Variants in KLHDC10 observed in about 807,000 individuals in gnomAD.
KLHDC10 encodes the protein kelch domain containing 10, also known as kelch domain-containing protein 10.
A neutral mutation model predicts 56.1 loss-of-function variants in KLHDC10; 24 were observed. The observed-to-expected ratio is 0.43, with a 90% CI of 0.31 to 0.60. The LOEUF (loss-of-function observed/expected upper bound fraction) is 0.60. Ranked by LOEUF, KLHDC10 falls within the 20% of genes least tolerant of loss-of-function variation. The pLI, the probability that KLHDC10 is intolerant of heterozygous loss-of-function variation, is 0.11. For synonymous variants in KLHDC10, 188 were observed against 207.1 expected (o/e 0.91, Z 0.79); for missense variants, 349 against 567.0 (o/e 0.62, Z 3.91).
intron 8 of KLHDC10, among the ~76,000 whole-genome samples, chr7:130,128,889 A>AAAAAAAAAAAAAAAAAATAT: frequency 1.5e-5 from 1 of 66,956 alleles, no homozygotes; most frequent in Non-Finnish European, 2.8e-5. Flanking sequence ...AAAAAAAAAA[A>AAAAAAAAAAAAAAAAAATAT]ATATATATAT....
chr7:130,124,414 C>G (rs1361212907), intron 5 of KLHDC10, 37 bp from the exon 6 acceptor site: 1 of 1,238,042 alleles, frequency 8.1e-7, no homozygotes, highest in African/African-American at 1.5e-5. Context: ...GGTCATTTTT[C>G]ACTTAATTAT....
intron 1 of KLHDC10, among the ~76,000 whole-genome samples, chr7:130,094,395 T>C (rs1314115492): frequency 6.6e-6 from 1 of 152,184 alleles, no homozygotes; most frequent in Non-Finnish European, 1.5e-5. Flanking sequence ...CTTTCCAGTA[T>C]TTTTTTCTAA....
rs1795843733 is a variant in KLHDC10 at position 130,096,048 on chromosome 7, C to T, written c.167-873C>T. Among the ~76,000 whole-genome samples the T allele has an allele frequency of 2.6e-5, 4 of 152,262 alleles. No individual in the cohort carries two copies. The South Asian group carries it at 8.3e-4, about 32-fold the overall frequency. On this transcript the variant is annotated intron_variant, in intron 1 of 9. Coordinates refer to ENST00000335420, the MANE Select transcript of KLHDC10 (RefSeq NM_014997.4). Reference sequence around the variant, plus strand: ...CTTGTTTTGCAATCTCAGGTCCTAGCATAGGGCTCCAGGCATAGCAGATGC... The same window carrying T: ...CTTGTTTTGCAATCTCAGGTCCTAGTATAGGGCTCCAGGCATAGCAGATGC...
At chr7:130,076,223 G>A (rs1329397943) in intron 1 of KLHDC10, among the ~76,000 whole-genome samples, 11 of 152,062 alleles carry the variant, frequency 7.2e-5, no homozygotes, top group Admixed American at 7.2e-4. Context: ...GCTCTGGCGG[G>A]AATGCTCACT....
intron 1 of KLHDC10, among the ~76,000 whole-genome samples, chr7:130,082,166 T>C (rs1043987364): frequency 1.3e-5 from 2 of 152,036 alleles, no homozygotes; most frequent in Admixed American, 1.3e-4. Context: ...TAAACAATAT[T>C]AGCCAGCTGT....
At chr7:130,129,684 T>C (rs1796370018) in intron 9 of KLHDC10, 108 bp downstream of exon 9, 1 of 993,926 alleles carries the variant, frequency 1.0e-6, no homozygotes, top group African/African-American at 1.7e-5. Context: ...CTTAGATGAT[T>C]AATAACATAT....
intron 2 of KLHDC10, among the ~76,000 whole-genome samples, chr7:130,097,921 A>G (rs570158582): frequency 2.6e-5 from 4 of 152,036 alleles, no homozygotes; most frequent in Admixed American, 6.6e-5. Flanking sequence ...GGTTCACACT[A>G]TTTTTCTAGA....
chr7:130,112,473 G>C (rs574948630), intron 2 of KLHDC10, among the ~76,000 whole-genome samples: 5 of 152,272 alleles, frequency 3.3e-5, no homozygotes, highest in African/African-American at 1.2e-4. Context: ...TCAGGTAAAC[G>C]AATTCTATGG....
intron 2 of KLHDC10, among the ~76,000 whole-genome samples, chr7:130,099,083 CCTT>C: frequency 6.6e-6 from 1 of 152,196 alleles, no homozygotes; most frequent in Admixed American, 6.5e-5. Context: ...GACTACTTGC[CCTT>C]CTTAAATTTT....
At position 130,134,882 on chromosome 7, in the gene KLHDC10, C is replaced by T. The variant is rs1021195038; in HGVS notation, c.*4136C>T. 4 of 152,108 alleles carry T rather than the reference C, an allele frequency of 2.6e-5. No individual in the cohort carries two copies. The highest frequency in any genetic ancestry group is 7.2e-5 in the African/African-American group (3 of 41,394). The allele number at this position is 152,108 out of a possible 1,614,324, so 9.4% of individuals were successfully genotyped here. On this transcript the variant is annotated 3_prime_UTR_variant, in exon 10 of 10. Transcript: ENST00000335420. The stretch of plus-strand genomic sequence containing the variant: ...CAAATGCCTTGGAACTCCAGACGCA[C>T]CCGCAGGGCCTGAGGTAGGCTTCAT...
chr7:130,121,042 G>C, intron 4 of KLHDC10, 139 bp downstream of exon 4: 1 of 786,818 alleles, frequency 1.3e-6, no homozygotes, highest in Non-Finnish European at 2.0e-6. Flanking sequence ...TTTTAGTTCT[G>C]ATATGAAATT....
At chr7:130,110,129 A>G (rs1796080310) in intron 2 of KLHDC10, among the ~76,000 whole-genome samples, 1 of 152,136 alleles carries the variant, frequency 6.6e-6, no homozygotes, top group Admixed American at 6.5e-5. Context: ...ATTTTCTCAT[A>G]GTTACATTCA....
chr7:130,135,003 T>C lies in KLHDC10; in HGVS notation c.*4257T>C, dbSNP rs2116934251. 1 of 151,588 alleles carries C rather than the reference T, an allele frequency of 6.6e-6. No homozygotes were observed. Among genetic ancestry groups the C allele is most frequent in the East Asian group, 1.9e-4 (1 of 5,150 alleles). The allele number at this position is 151,588 out of a possible 1,614,324, so 9.4% of individuals were successfully genotyped here. On this transcript the variant is annotated 3_prime_UTR_variant, in exon 10 of 10. Transcript: ENST00000335420. ...TTAGATTCAGCCAAAAGCGACCTCT[T>C]CTCTAGTCCGGTGTTACGAACAGAA...
intron 1 of KLHDC10, among the ~76,000 whole-genome samples, chr7:130,081,318 T>G (rs1016906533): frequency 4.0e-5 from 6 of 149,312 alleles, no homozygotes; most frequent in Admixed American, 1.3e-4. Flanking sequence ...TATTTTTTTT[T>G]GTTTGTTTTT....
At chr7:130,093,634 A>C (rs1170191446) in intron 1 of KLHDC10, among the ~76,000 whole-genome samples, 2 of 152,230 alleles carry the variant, frequency 1.3e-5, no homozygotes, top group Non-Finnish European at 2.9e-5. Context: ...ATATATTTAT[A>C]TGAAACTGGA....
At chr7:130,085,162 G>A (rs773026988) in intron 1 of KLHDC10, among the ~76,000 whole-genome samples, 16 of 150,572 alleles carry the variant, frequency 1.1e-4, no homozygotes, top group Non-Finnish European at 1.5e-4. Context: ...GTGAAACCCC[G>A]TCTCTACTAA....
Position 130,116,974 on chromosome 7 carries a change from G to A in KLHDC10, c.475+308G>A, listed in dbSNP as rs111780564. Among the ~76,000 whole-genome samples the A allele has an allele frequency of 8.4e-3, 1,272 of 152,272 alleles. 20 individuals carry two copies. Among genetic ancestry groups the A allele is most frequent in the African/African-American group, 0.029 (1,206 of 41,542 alleles). ...GTCAACAAATGGGGCTTATGACGATGACAGTTAATAGCTGTTGAGCAAAGT... is the reference window on the plus strand; with the variant it reads ...GTCAACAAATGGGGCTTATGACGATAACAGTTAATAGCTGTTGAGCAAAGT... On this transcript the variant is annotated intron_variant, in intron 3 of 9. Transcript: ENST00000335420. This position sits in a 1 kb window ranked among gnomAD's most constrained non-coding sequence, Gnocchi z 4.8.
At chr7:130,119,368 C>A (rs1232777687) in intron 3 of KLHDC10, among the ~76,000 whole-genome samples, 1 of 151,262 alleles carries the variant, frequency 6.6e-6, no homozygotes, top group Non-Finnish European at 1.5e-5. Context: ...AAAAGTTAGC[C>A]AGGCATGGTG....
chr7:130,128,531 C>T (rs1436250988), intron 8 of KLHDC10, among the ~76,000 whole-genome samples: 1 of 152,096 alleles, frequency 6.6e-6, no homozygotes, highest in East Asian at 1.9e-4. Context: ...TCAGTTTGTC[C>T]TCTTCTCGCC....
Sources: gnomAD v4.1 joint callset for allele counts (sites outside exome capture counted in the v4.1 genomes callset) on GRCh38, gnomAD v4.1.1 for gene constraint, Gnocchi (gnomAD v3.1) non-coding constraint, MANE v1.5 for transcripts, NCBI Gene and HGNC (gene_info 2026-07-23, HGNC 2026-07-21) for gene names.